The following SLC4A10 variants were observed in gnomAD, a reference collection of about 807,000 sequenced individuals.
SLC4A10 encodes solute carrier family 4 member 10.
SLC4A10 carries 42 observed loss-of-function variants against 137.7 expected under a neutral mutation model. That is an observed-to-expected ratio of 0.30 (90% CI 0.24 to 0.39). SLC4A10 has a LOEUF of 0.39. Ranked by LOEUF, SLC4A10 falls within the 10% of genes least tolerant of loss-of-function variation. The pLI is 1.00. For missense variants in SLC4A10, 925 were observed against 1,355.0 expected (o/e 0.68, Z 4.98); for synonymous variants, 474 against 464.1 (o/e 1.02, Z -0.27).
chr2:161,660,403 A>T (rs1409822045), intron 1 of SLC4A10, among the ~76,000 whole-genome samples: 2 of 152,322 alleles, frequency 1.3e-5, no homozygotes, highest in Admixed American at 1.3e-4. Flanking sequence ...AAATATAGTT[A>T]TGTATTGATG....
At chr2:161,862,839 G>A in intron 5 of SLC4A10, 35 bp from the exon 6 acceptor site, 1 of 1,497,040 alleles carries the variant, frequency 6.7e-7, no homozygotes, top group Non-Finnish European at 9.0e-7. Flanking sequence ...CTAGAGGAAA[G>A]CTGTGCTTAT....
chr2:161,642,015 T>G (rs2035387559), intron 1 of SLC4A10, among the ~76,000 whole-genome samples: 1 of 152,008 alleles, frequency 6.6e-6, no homozygotes, highest in African/African-American at 2.4e-5. Context: ...TAAGATATTC[T>G]TCCATCTCAT....
chr2:161,808,664 A>T (rs1219154474), intron 3 of SLC4A10, among the ~76,000 whole-genome samples: 1 of 152,116 alleles, frequency 6.6e-6, no homozygotes, highest in Non-Finnish European at 1.5e-5. Flanking sequence ...GAGAACATGC[A>T]GTATTTGGTT....
chr2:161,840,253 A>G (rs1207446558), intron 4 of SLC4A10, among the ~76,000 whole-genome samples: 1 of 152,234 alleles, frequency 6.6e-6, no homozygotes, highest in Admixed American at 6.5e-5. Context: ...ACCTAAATTT[A>G]TGATAGTATA....
At chr2:161,829,484 G>T (rs1309586527) in intron 3 of SLC4A10, among the ~76,000 whole-genome samples, 1 of 151,994 alleles carries the variant, frequency 6.6e-6, no homozygotes, top group Non-Finnish European at 1.5e-5. Flanking sequence ...TTAATTAATT[G>T]CCGAGTTAAA....
At chr2:161,769,122 T>C (rs573558664) in intron 1 of SLC4A10, among the ~76,000 whole-genome samples, 63 of 152,148 alleles carry the variant, frequency 4.1e-4, no homozygotes, top group African/African-American at 1.4e-3. Context: ...GCCCATTTTT[T>C]TGGTTCTTGT....
chr2:161,779,746 A>G (rs777900499), intron 2 of SLC4A10, among the ~76,000 whole-genome samples: 32 of 152,166 alleles, frequency 2.1e-4, no homozygotes, highest in Admixed American at 4.6e-4. Context: ...CTATTGGCCA[A>G]ATTTTTTCCT....
chr2:161,966,761 GACTA>G, intron 23 of SLC4A10, among the ~76,000 whole-genome samples: 1 of 126,002 alleles, frequency 7.9e-6, no homozygotes, highest in South Asian at 2.7e-4. Flanking sequence ...AAAAAACTTT[GACTA>G]GGATATTTTG....
intron 2 of SLC4A10, among the ~76,000 whole-genome samples, chr2:161,799,879 A>ATTTATATAGGAATTACTATATAAACTC (rs1331682794): frequency 3.3e-5 from 5 of 151,916 alleles, no homozygotes; most frequent in Admixed American, 2.0e-4. Context: ...GAATCTGGGA[A>ATTTATATAGGAATTACTATATAAACTC]TTTATATAGG....
intron 1 of SLC4A10, among the ~76,000 whole-genome samples, chr2:161,660,676 C>T (rs1202713365): frequency 7.1e-6 from 1 of 141,086 alleles, no homozygotes; most frequent in Non-Finnish European, 1.5e-5. Context: ...TTTTTTGAGA[C>T]AGCGTCTTGC....
At chr2:161,763,296 T>G (rs1293852083) in intron 1 of SLC4A10, among the ~76,000 whole-genome samples, 1 of 152,076 alleles carries the variant, frequency 6.6e-6, no homozygotes, top group Non-Finnish European at 1.5e-5. Context: ...CCACACAATT[T>G]GGAGCCATGG....
intron 1 of SLC4A10, among the ~76,000 whole-genome samples, chr2:161,747,153 G>C (rs1393957071): frequency 6.6e-6 from 1 of 152,100 alleles, no homozygotes; most frequent in Admixed American, 6.6e-5. Context: ...AGCCCTTGTA[G>C]CCTAGACTGC....
intron 6 of SLC4A10, among the ~76,000 whole-genome samples, chr2:161,864,063 G>A (rs1417009317): frequency 1.3e-5 from 2 of 152,014 alleles, no homozygotes; most frequent in Non-Finnish European, 2.9e-5. Flanking sequence ...TTAGCCGGGC[G>A]TGGTAGTGGG....
chr2:161,775,449 T>A (rs2125443090), intron 2 of SLC4A10, among the ~76,000 whole-genome samples: 1 of 151,996 alleles, frequency 6.6e-6, no homozygotes, highest in African/African-American at 2.4e-5. Context: ...TTTGGATGAG[T>A]GAATGTTATC....
chr2:161,967,084 T>C (rs1697735577), intron 23 of SLC4A10, among the ~76,000 whole-genome samples: 1 of 152,176 alleles, frequency 6.6e-6, no homozygotes, highest in Non-Finnish European at 1.5e-5. Flanking sequence ...GTTATAATGT[T>C]GATGAGAAAA....
intron 1 of SLC4A10, among the ~76,000 whole-genome samples, chr2:161,676,813 T>C (rs1003770574): frequency 1.3e-5 from 2 of 152,104 alleles, no homozygotes; most frequent in African/African-American, 4.8e-5. Flanking sequence ...AGGGCTGCCA[T>C]GCTCTGCACT....
intron 15 of SLC4A10, among the ~76,000 whole-genome samples, chr2:161,932,336 G>T (rs1690552137): frequency 6.6e-6 from 1 of 152,132 alleles, no homozygotes; most frequent in African/African-American, 2.4e-5. Context: ...TTCAGAAAAA[G>T]ACATTGCAGA....
At chr2:161,645,095 A>T (rs1308840306) in intron 1 of SLC4A10, among the ~76,000 whole-genome samples, 1 of 152,142 alleles carries the variant, frequency 6.6e-6, no homozygotes, top group East Asian at 1.9e-4. Context: ...CTCAAAAGTA[A>T]AATGGTTATG....
At chr2:161,745,449 G>A (rs1192412020) in intron 1 of SLC4A10, among the ~76,000 whole-genome samples, 1 of 151,970 alleles carries the variant, frequency 6.6e-6, no homozygotes, top group African/African-American at 2.4e-5. Flanking sequence ...TATCTGATAG[G>A]ATTCTGAATT....
Sources: allele counts gnomAD v4.1 joint callset (sites outside exome capture counted in the v4.1 genomes callset), GRCh38; gene constraint gnomAD v4.1.1; transcripts MANE v1.5; gene names NCBI Gene and HGNC (gene_info 2026-07-23, HGNC 2026-07-21).